Variants in DCBLD1 observed in about 807,000 individuals in gnomAD.
The protein encoded by DCBLD1 is discoidin, CUB and LCCL domain-containing protein 1.
In DCBLD1, 57 loss-of-function variants were observed where a neutral mutation model predicts 71.5. That is an observed-to-expected ratio of 0.80 (90% CI 0.64 to 0.99). The LOEUF is 0.99. Among genes scored for constraint, DCBLD1 ranks in the 50% least tolerant of loss-of-function variants. DCBLD1 has a pLI of 0.00. For missense variants in DCBLD1, 891 were observed against 923.5 expected (o/e 0.96, Z 0.46); for synonymous variants, 380 against 363.8 (o/e 1.04, Z -0.51).
intron 14 of DCBLD1, among the ~76,000 whole-genome samples, chr6:117,568,891 C>G (rs1456891650): frequency 1.3e-5 from 2 of 152,206 alleles, no homozygotes; most frequent in East Asian, 3.8e-4. Flanking sequence ...TGCAATTCTA[C>G]AGAGGCATAC....
intron 1 of DCBLD1, among the ~76,000 whole-genome samples, chr6:117,487,004 A>T (rs1035464385): frequency 1.3e-5 from 2 of 152,112 alleles, no homozygotes; most frequent in Non-Finnish European, 2.9e-5. Context: ...CTAATGCCTG[A>T]TGATCTGAGG....
intron 8 of DCBLD1, chr6:117,539,046 A>C (rs1779001149): frequency 4.3e-6 from 3 of 696,762 alleles, no homozygotes; most frequent in Non-Finnish European, 7.0e-6. Flanking sequence ...TAGAGAGATA[A>C]TTCTTCAATG....
At chr6:117,547,593 CCTCCATAGCTT>C (rs777699738) in intron 14 of DCBLD1, 33 of 634,222 alleles carry the variant, frequency 5.2e-5, no homozygotes, top group South Asian at 4.4e-4. Flanking sequence ...GTGACTTCCA[CCTCCATAGCTT>C]CTCCAGAGCC....
At chr6:117,507,026 A>T (rs1047670784) in intron 2 of DCBLD1, among the ~76,000 whole-genome samples, 2 of 152,254 alleles carry the variant, frequency 1.3e-5, no homozygotes, top group African/African-American at 4.8e-5. Flanking sequence ...TTTAAAACTT[A>T]AAACTATCAG....
chr6:117,555,772 AC>A (rs1241267258), intron 14 of DCBLD1, among the ~76,000 whole-genome samples: 2 of 152,178 alleles, frequency 1.3e-5, no homozygotes, highest in Non-Finnish European at 2.9e-5. Context: ...GGTCCATCAA[AC>A]CGTGCACCTT....
chr6:117,511,879 A>C (rs1220243367), intron 2 of DCBLD1, among the ~76,000 whole-genome samples: 2 of 152,120 alleles, frequency 1.3e-5, no homozygotes, highest in African/African-American at 2.4e-5. Context: ...GGCTGCAGAC[A>C]CCCTAGAAGT....
chr6:117,527,037 G>A (rs1045572045), intron 5 of DCBLD1, among the ~76,000 whole-genome samples: 7 of 152,210 alleles, frequency 4.6e-5, no homozygotes, highest in Non-Finnish European at 1.0e-4. Flanking sequence ...TTATTGGATT[G>A]AGGGCCTCGG....
intron 1 of DCBLD1, among the ~76,000 whole-genome samples, chr6:117,501,333 ATTGTTG>A (rs550073025): frequency 1.2e-5 from 1 of 80,424 alleles, no homozygotes; most frequent in Non-Finnish European, 2.3e-5. Flanking sequence ...TTCAGTTGTC[ATTGTTG>A]TTGTTGTTGT....
Position 117,503,873 on chromosome 6 carries a change from A to G in DCBLD1, c.219A>G (p.Thr73=). The G allele has an allele frequency of 6.2e-7, 1 of 1,614,162 alleles. No individual in the cohort carries two copies. The highest frequency in any genetic ancestry group is 8.5e-7 in the Non-Finnish European group (1 of 1,180,004). The change falls in exon 2 of 15, where the codon ACA becomes ACG. Residue 73 remains threonine (T), a synonymous_variant. Transcript: ENST00000338728. Reference sequence around the variant, plus strand: ...ACACTGTTTGCGAAAAGACAATTACAGTACCAAAGGGGAAAAGACTGATTC... The same window carrying G: ...ACACTGTTTGCGAAAAGACAATTACGGTACCAAAGGGGAAAAGACTGATTC... ...PNHTVCEKTI[T]VPKGKRLILR...
intron 11 of DCBLD1, 94 bp downstream of exon 11, chr6:117,541,119 A>G: frequency 2.6e-6 from 3 of 1,148,028 alleles, no homozygotes; most frequent in East Asian, 2.5e-5. Flanking sequence ...TCTCTGTCAT[A>G]TAAACATTGG....
At chr6:117,510,510 G>C (rs931404047) in intron 2 of DCBLD1, among the ~76,000 whole-genome samples, 2 of 152,120 alleles carry the variant, frequency 1.3e-5, no homozygotes, top group African/African-American at 4.8e-5. Flanking sequence ...CATCAGTTTC[G>C]GGTTGGGATA....
rs1779323920 is a variant in DCBLD1, at chr6:117,547,901, T to C, written c.1616-6T>C. 1 of 1,550,230 alleles carries C rather than the reference T, an allele frequency of 6.5e-7. No individual in the cohort carries two copies. Among genetic ancestry groups the C allele is most frequent in the Non-Finnish European group, 8.7e-7 (1 of 1,146,908 alleles). ...CCGCTAGCTGCCATCTGTCTTGTGG[T>C]TTCAGATTACCAGCAGCCCCTCATG... On this transcript the variant is annotated splice_region_variant and splice_polypyrimidine_tract_variant and intron_variant, in intron 14 of 14. Transcript: ENST00000338728.
chr6:117,561,814 C>T (rs1779589515), intron 14 of DCBLD1: 1 of 206,902 alleles, frequency 4.8e-6, no homozygotes, highest in East Asian at 7.4e-5. Context: ...ACAGTTAAAA[C>T]ATTAAATTTA....
At chr6:117,559,712 T>C (rs913791937) in intron 14 of DCBLD1, among the ~76,000 whole-genome samples, 3 of 152,246 alleles carry the variant, frequency 2.0e-5, no homozygotes, top group Admixed American at 6.5e-5. Flanking sequence ...TTAAAGTGTT[T>C]CTTTAAGGTT....
intron 2 of DCBLD1, among the ~76,000 whole-genome samples, chr6:117,510,038 G>A (rs1777965281): frequency 6.6e-6 from 1 of 152,018 alleles, no homozygotes; most frequent in Non-Finnish European, 1.5e-5. Flanking sequence ...GTTCCTTCCA[G>A]GCCATCTAAT....
Position 117,532,378 on chromosome 6 carries a change from G to A in DCBLD1, c.704G>A (p.Gly235Asp). ...ISRYEGILAN[G>D]VLSRDGSLSD... is the part of the protein sequence containing the mutation. ...CGATATGAAGGGATTCTGGCCAATG[G>A]TGTTCTTTCGAGGGAGTAAGTATTT... Residue 235 changes from glycine (G) to aspartate (D), a missense_variant, in exon 6 of 15, where the codon GGT becomes GAT. Transcript: ENST00000338728. 1 of 1,609,750 alleles carries A rather than the reference G, an allele frequency of 6.2e-7. No individual in the cohort carries two copies. The highest frequency in any genetic ancestry group is 8.5e-7 in the Non-Finnish European group (1 of 1,178,844).
Position 117,484,035 on chromosome 6 carries a change from A to G in DCBLD1, c.112+1142A>G, listed in dbSNP as rs139397409. Among the ~76,000 whole-genome samples the G allele has an allele frequency of 9.3e-3, 1,420 of 152,360 alleles. 7 individuals carry two copies. Among genetic ancestry groups the G allele is most frequent in the Non-Finnish European group, 0.016 (1,069 of 68,028 alleles). On this transcript the variant is annotated intron_variant, in intron 1 of 14. Coordinates refer to ENST00000338728, the MANE Select transcript of DCBLD1 (RefSeq NM_001366458.2). ...AAGTGATTTTGTCTGGTACTGTAGC[A>G]CAATACTAGGCAGATTGTAAAATTG...
At chr6:117,557,781 A>T (rs755370556) in intron 14 of DCBLD1, among the ~76,000 whole-genome samples, 2 of 152,198 alleles carry the variant, frequency 1.3e-5, no homozygotes, top group Non-Finnish European at 2.9e-5. Flanking sequence ...AATAAAAATA[A>T]AAAATATAAA....
In DCBLD1 at chr6:117,566,866, T is replaced by C. The variant is rs749124507; in HGVS notation, c.1616-2754T>C. 3.2e-6 allele frequency: 5 copies of C among 1,570,456 alleles called. No homozygotes were observed. Among genetic ancestry groups the C allele is most frequent in the Non-Finnish European group, 2.6e-6 (3 of 1,162,956 alleles). On this transcript the variant is annotated intron_variant, in intron 14 of 14. Coordinates refer to the DCBLD1 transcript ENST00000296955. ...GAGTGATTTTTACCTTGTAATACTT[T>C]GATTTCCCCACTTGTGTCTTTGCAA...
Sources: gnomAD v4.1 joint callset for allele counts (sites outside exome capture counted in the v4.1 genomes callset) on GRCh38, gnomAD v4.1.1 for gene constraint, MANE v1.5 for transcripts, NCBI Gene and HGNC (gene_info 2026-07-23, HGNC 2026-07-21) for gene names.